SCFD2: variants seen among roughly 807,000 people sequenced by gnomAD.
The protein encoded by SCFD2 is sec1 family domain containing 2.
SCFD2 carries 54 observed loss-of-function variants against 58.9 expected under a neutral mutation model. That is an observed-to-expected ratio of 0.92 (90% CI 0.74 to 1.15). The LOEUF (loss-of-function observed/expected upper bound fraction) is 1.15, where lower values mean the gene tolerates loss of function less well. Among genes scored for constraint, SCFD2 ranks in the 50% most tolerant of loss-of-function variants. The pLI is 0.00. For missense variants in SCFD2, 805 were observed against 836.6 expected (o/e 0.96, Z 0.47); for synonymous variants, 321 against 335.9 (o/e 0.96, Z 0.49).
intron 5 of SCFD2, among the ~76,000 whole-genome samples, chr4:52,981,809 G>A (rs1388220525): frequency 1.3e-5 from 2 of 152,142 alleles, no homozygotes; most frequent in African/African-American, 4.8e-5. Flanking sequence ...GGCAGCAGTT[G>A]AAGGATGTCA....
At chr4:52,945,687 C>T (rs996376412) in intron 5 of SCFD2, 1 of 152,188 alleles carries the variant, frequency 6.6e-6, no homozygotes, top group African/African-American at 2.4e-5. Flanking sequence ...ACAGCTCCCA[C>T]TAGGACACTG....
At chr4:53,225,200 G>A (rs1729167272) in intron 4 of SCFD2, among the ~76,000 whole-genome samples, 1 of 152,012 alleles carries the variant, frequency 6.6e-6, no homozygotes, top group Non-Finnish European at 1.5e-5. Context: ...TATTGCCAAA[G>A]TGCTTTGACA....
intron 5 of SCFD2, among the ~76,000 whole-genome samples, chr4:52,980,658 G>C (rs1249166584): frequency 1.3e-5 from 2 of 152,050 alleles, no homozygotes; most frequent in Admixed American, 1.3e-4. Context: ...TATTTCAGTT[G>C]TTTCCCCAAA....
intron 5 of SCFD2, among the ~76,000 whole-genome samples, chr4:52,996,886 T>C (rs1560505287): frequency 6.6e-6 from 1 of 152,230 alleles, no homozygotes; most frequent in Non-Finnish European, 1.5e-5. Context: ...AGTGCTTCTA[T>C]TGGAAACACC....
At chr4:53,254,300 G>C (rs1289892383) in intron 4 of SCFD2, among the ~76,000 whole-genome samples, 3 of 151,968 alleles carry the variant, frequency 2.0e-5, no homozygotes, top group African/African-American at 7.3e-5. Flanking sequence ...GATAACGGGT[G>C]AATCTCACAA....
chr4:53,086,930 G>A (rs1401160985), intron 5 of SCFD2, among the ~76,000 whole-genome samples: 1 of 152,026 alleles, frequency 6.6e-6, no homozygotes, highest in Admixed American at 6.6e-5. Context: ...TAATATGTAG[G>A]AAAAAAGATA....
intron 5 of SCFD2, among the ~76,000 whole-genome samples, chr4:53,123,583 A>G (rs1214278700): frequency 6.6e-6 from 1 of 151,988 alleles, no homozygotes; most frequent in Admixed American, 6.6e-5. Flanking sequence ...TTGTGTGCCT[A>G]TAAGAGGTGA....
At position 52,976,193 on chromosome 4, in the gene SCFD2, C is replaced by G. The variant is rs562441969; in HGVS notation, c.1562-55323G>C. Among the ~76,000 whole-genome samples, 6 of 151,948 alleles carry G rather than the reference C, an allele frequency of 3.9e-5. No individual in the cohort carries two copies. In the East Asian group the frequency reaches 7.7e-4, roughly 20 times the overall value. On this transcript the variant is annotated intron_variant, in intron 5 of 8. Transcript: ENST00000401642. ...TATATATAAAAAAAATTGGTTGTTT[C>G]TAAGATTCTATTCGTGTACAAATTT...
intron 5 of SCFD2, among the ~76,000 whole-genome samples, chr4:52,976,648 G>T (rs989391876): frequency 2.0e-5 from 3 of 152,150 alleles, no homozygotes; most frequent in African/African-American, 7.2e-5. Context: ...TGTTCCCAGT[G>T]ACCCAAACAC....
intron 5 of SCFD2, among the ~76,000 whole-genome samples, chr4:52,923,453 G>A (rs1719789485): frequency 6.6e-6 from 1 of 150,876 alleles, no homozygotes; most frequent in Non-Finnish European, 1.5e-5. Context: ...ACTCCAGCAT[G>A]GGTGACACAG....
At position 52,989,113 on chromosome 4, in the gene SCFD2, C is replaced by A. The variant is rs116627083; in HGVS notation, c.1562-68243G>T. Among the ~76,000 whole-genome samples, 845 of 152,328 alleles carry A rather than the reference C, an allele frequency of 5.5e-3. 10 individuals are homozygous for A. The highest frequency in any genetic ancestry group is 0.046 in the South Asian group (223 of 4,826). ...AAGTTATAACATCAGGGAGTCCAGA[C>A]TCCCACCTGGGTGTGTTTAATCCCT... On this transcript the variant is annotated intron_variant, in intron 5 of 8. Coordinates refer to ENST00000401642, the MANE Select transcript of SCFD2 (RefSeq NM_152540.4).
chr4:52,953,711 A>T (rs1720651668), intron 5 of SCFD2, among the ~76,000 whole-genome samples: 3 of 152,244 alleles, frequency 2.0e-5, no homozygotes, highest in African/African-American at 7.2e-5. Context: ...AGAATTAATC[A>T]TCAAGAAGAT....
chr4:53,254,295 C>T (rs11133257), intron 4 of SCFD2, among the ~76,000 whole-genome samples: 109,521 of 151,660 alleles, frequency 0.72, 39,750 homozygotes, highest in Middle Eastern at 0.8. Flanking sequence ...CTCAGGATAA[C>T]GGGTGAATCT....
chr4:53,352,209 G>T lies in SCFD2; in HGVS notation c.1007+389C>A, dbSNP rs1439168732. Among the ~76,000 whole-genome samples the T allele has an allele frequency of 4.6e-5, 7 of 152,230 alleles. No individual in the cohort carries two copies. The East Asian group carries it at 9.6e-4, about 21-fold the overall frequency. On this transcript the variant is annotated intron_variant, in intron 2 of 8. Coordinates refer to ENST00000401642, the MANE Select transcript of SCFD2 (RefSeq NM_152540.4). ...GTATATCATCTAATATAAAAAGATG[G>T]CATGGTTTCATTGCTGTTTGAGTTG...
At chr4:53,289,329 G>A (rs1161974927) in intron 3 of SCFD2, among the ~76,000 whole-genome samples, 2 of 152,150 alleles carry the variant, frequency 1.3e-5, no homozygotes, top group Non-Finnish European at 2.9e-5. Flanking sequence ...TGGCACCATT[G>A]CACTCCAGCC....
chr4:52,935,473 A>T (rs1299559689), intron 5 of SCFD2, among the ~76,000 whole-genome samples: 1 of 152,170 alleles, frequency 6.6e-6, no homozygotes, highest in Non-Finnish European at 1.5e-5. Context: ...TTGCTTGTGT[A>T]AGAGCACATA....
intron 4 of SCFD2, among the ~76,000 whole-genome samples, chr4:53,271,855 G>T (rs1418368301): frequency 6.6e-6 from 1 of 152,082 alleles, no homozygotes; most frequent in Non-Finnish European, 1.5e-5. Context: ...TGACAAATGG[G>T]ATCTCATTAA....
At position 53,264,339 on chromosome 4, in the gene SCFD2, T is replaced by A. The variant is rs186752906; in HGVS notation, c.1311+9487A>T. On this transcript the variant is annotated intron_variant, in intron 4 of 8. Transcript: ENST00000401642. ...TCTCTCAGCTTTCCTGGCATGTTCC[T>A]GCAGTGGTTCTTGGAGCAGAAGTTC... 3.5e-3 allele frequency among the ~76,000 whole-genome samples: 534 copies of A among 152,338 alleles called. 3 individuals are homozygous for A. Among genetic ancestry groups the A allele is most frequent in the Non-Finnish European group, 6.5e-3 (440 of 68,032 alleles).
chr4:53,127,000 A>T (rs926919447), intron 5 of SCFD2, among the ~76,000 whole-genome samples: 36 of 152,230 alleles, frequency 2.4e-4, no homozygotes, highest in Non-Finnish European at 4.4e-4. Flanking sequence ...ACAAAAGGAA[A>T]GAAGAGAAAA....
Sources: allele counts gnomAD v4.1 joint callset (sites outside exome capture counted in the v4.1 genomes callset), GRCh38; gene constraint gnomAD v4.1.1; transcripts MANE v1.5; gene names NCBI Gene and HGNC (gene_info 2026-07-23, HGNC 2026-07-21).